Variants in CHST15 observed in about 807,000 individuals in gnomAD.
The protein encoded by CHST15 is carbohydrate sulfotransferase 15.
Under a neutral mutation model 53.6 loss-of-function variants are expected in CHST15, and 30 were observed. That is an observed-to-expected ratio of 0.56 (90% CI 0.42 to 0.76). The LOEUF (loss-of-function observed/expected upper bound fraction) is 0.76. CHST15 is among the 30% of genes least tolerant of loss of function. The pLI is 0.00. For missense variants in CHST15, 627 were observed against 740.5 expected, an observed-to-expected ratio of 0.85 and a Z score of 1.78; for synonymous variants, 296 against 289.8, an observed-to-expected ratio of 1.02 and a Z score of -0.22.
At chr10:124,038,835 G>T (rs1375246252) in intron 4 of CHST15, among the ~76,000 whole-genome samples, 164 bp from the exon 5 acceptor site, 1 of 151,850 alleles carries the variant, frequency 6.6e-6, no homozygotes, top group East Asian at 1.9e-4. Flanking sequence ...AAGAGAGAAG[G>T]TTGGATGCCC....
At chr10:124,042,231 C>T in intron 4 of CHST15, 70 bp downstream of exon 4, 1 of 1,512,964 alleles carries the variant, frequency 6.6e-7, no homozygotes, top group Non-Finnish European at 9.0e-7. Flanking sequence ...CAGAGCTGGG[C>T]TAGGCCTGGA....
intron 1 of CHST15, among the ~76,000 whole-genome samples, chr10:124,047,532 G>A (rs528051177): frequency 5.3e-5 from 8 of 152,278 alleles, no homozygotes; most frequent in Admixed American, 1.3e-4. Context: ...TGTAGATGTC[G>A]TAGAAAGAGC....
intron 1 of CHST15, among the ~76,000 whole-genome samples, chr10:124,060,389 AG>A (rs1948524477): frequency 6.8e-6 from 1 of 147,328 alleles, no homozygotes. Context: ...AAGGTGTGCC[AG>A]GCCCCCCAGG....
chr10:124,049,844 G>A (rs895584015), intron 1 of CHST15, among the ~76,000 whole-genome samples: 9 of 152,148 alleles, frequency 5.9e-5, no homozygotes, highest in Non-Finnish European at 1.3e-4. Context: ...ACAGATGTGC[G>A]GGTAACCTGG....
At chr10:124,063,898 G>GT (rs1424952546) in intron 1 of CHST15, among the ~76,000 whole-genome samples, 2 of 152,184 alleles carry the variant, frequency 1.3e-5, no homozygotes, top group Non-Finnish European at 2.9e-5. Context: ...GCAATACAGC[G>GT]TATGAATCAG....
chr10:124,031,178 G>A (rs554375947), intron 5 of CHST15, among the ~76,000 whole-genome samples: 14 of 152,200 alleles, frequency 9.2e-5, no homozygotes, highest in Non-Finnish European at 1.8e-4. Flanking sequence ...GGCTGCCCCA[G>A]CTCAGTCATT....
intron 3 of CHST15, among the ~76,000 whole-genome samples, chr10:124,044,156 G>A (rs12778619): frequency 0.22 from 31,713 of 146,072 alleles, 3,455 homozygotes; most frequent in South Asian, 0.27. Flanking sequence ...AGCAGGAAAC[G>A]GCACAGAGCT....
chr10:124,047,874 T>C (rs76778236), intron 1 of CHST15, among the ~76,000 whole-genome samples: 3,644 of 152,280 alleles, frequency 0.024, 135 homozygotes, highest in African/African-American at 0.082. Flanking sequence ...CTATACCACA[T>C]GATTATTCTT....
Position 124,046,331 on chromosome 10 carries a change from G to C in CHST15, c.-119C>G. The C allele has an allele frequency of 1.1e-6, 1 of 908,180 alleles. No homozygotes were observed. Among genetic ancestry groups the C allele is most frequent in the Non-Finnish European group, 1.6e-6 (1 of 612,600 alleles). 56.3% of individuals were successfully genotyped at this position (908,180 alleles called of 1,614,324 possible). A position where few individuals can be genotyped will look rare whatever the true frequency, so the allele number is the denominator to read the frequency against. On this transcript the variant is annotated 5_prime_UTR_variant, in exon 2 of 8. The change creates a new upstream start codon in the 5' untranslated region. Transcript: ENST00000435907. ...GAATGCCTTGTGATCACAGAAGATGGATGGAAAGCACAAATACAAAAATAA... is the reference window on the plus strand; with the variant it reads ...GAATGCCTTGTGATCACAGAAGATGCATGGAAAGCACAAATACAAAAATAA...
chr10:124,020,292 G>C (rs1946727615), intron 6 of CHST15: 3 of 985,490 alleles, frequency 3.0e-6, no homozygotes, highest in African/African-American at 1.7e-5. Flanking sequence ...CCAGCAAATG[G>C]CCAAGCTGGA....
intron 1 of CHST15, among the ~76,000 whole-genome samples, chr10:124,076,847 C>A (rs1949088903): frequency 3.3e-5 from 5 of 151,866 alleles, no homozygotes; most frequent in Admixed American, 2.6e-4. Flanking sequence ...GGAGCTGGGA[C>A]TACAGGCGCC....
intron 1 of CHST15, among the ~76,000 whole-genome samples, chr10:124,084,942 C>G (rs1359570240): frequency 3.9e-5 from 6 of 152,202 alleles, no homozygotes; most frequent in Non-Finnish European, 8.8e-5. Flanking sequence ...GCAGAACCAT[C>G]AGAAGTGTGT....
Position 124,009,289 on chromosome 10 carries a change from A to T in CHST15, c.*860T>A. On this transcript the variant is annotated 3_prime_UTR_variant, in exon 8 of 8. Transcript: ENST00000435907. ...CAGCAAAAATTTCTCTTCCAATTAT[A>T]AACTGAAGTTCTTGAGAAAACGTAT... is the stretch of plus-strand genomic sequence containing the variant. The T allele has an allele frequency of 9.1e-7, 1 of 1,097,386 alleles. No homozygotes were observed. The highest frequency in any genetic ancestry group is 1.1e-6 in the Non-Finnish European group (1 of 890,966). 68.0% of individuals were successfully genotyped at this position (1,097,386 alleles called of 1,614,324 possible).
chr10:124,077,760 A>G (rs1364847696), intron 1 of CHST15, among the ~76,000 whole-genome samples: 2 of 152,200 alleles, frequency 1.3e-5, no homozygotes, highest in Non-Finnish European at 2.9e-5. Context: ...CTCACAATTA[A>G]TGCTGCCCAT....
chr10:124,008,875 G>T lies in CHST15; in HGVS notation c.*1274C>A. The T allele has an allele frequency of 7.8e-7, 1 of 1,275,000 alleles. No individual in the cohort carries two copies. Among genetic ancestry groups the T allele is most frequent in the Non-Finnish European group, 1.0e-6 (1 of 977,526 alleles). 79.0% of individuals were successfully genotyped at this position (1,275,000 alleles called of 1,614,324 possible). The stretch of plus-strand genomic sequence containing the variant: ...CTTCAATCTTCCCTGTGACTTCCAA[G>T]AAACGACAAGATCTCTAGCCCATCC... On this transcript the variant is annotated 3_prime_UTR_variant, in exon 8 of 8. Transcript: ENST00000435907.
At chr10:124,038,111 T>A (rs558528047) in intron 5 of CHST15, among the ~76,000 whole-genome samples, 1,684 of 136,052 alleles carry the variant, frequency 0.012, 33 homozygotes, top group African/African-American at 0.04. Context: ...TTATTTTATT[T>A]TATTTTTTTT....
At chr10:124,034,788 G>A (rs71504507) in intron 5 of CHST15, among the ~76,000 whole-genome samples, 2 of 115,820 alleles carry the variant, frequency 1.7e-5, no homozygotes, top group Admixed American at 8.0e-5. Context: ...TAACAGGGAC[G>A]CCGGCTCCGC....
intron 1 of CHST15, among the ~76,000 whole-genome samples, chr10:124,068,015 G>T (rs904212242): frequency 4.6e-5 from 7 of 152,180 alleles, no homozygotes; most frequent in African/African-American, 1.7e-4. Context: ...ATACATTGAG[G>T]CAATTATCCA....
intron 1 of CHST15, among the ~76,000 whole-genome samples, chr10:124,085,652 G>C (rs1000003168): frequency 2.6e-5 from 4 of 152,228 alleles, no homozygotes; most frequent in African/African-American, 9.6e-5. Context: ...CTCCTGAAGA[G>C]AGCCTCATCA....
Sources: gnomAD v4.1 joint callset for allele counts (sites outside exome capture counted in the v4.1 genomes callset) on GRCh38, gnomAD v4.1.1 for gene constraint, MANE v1.5 for transcripts, NCBI Gene and HGNC (gene_info 2026-07-23, HGNC 2026-07-21) for gene names.